Variants in CTDSPL observed in about 807,000 individuals in gnomAD.
CTDSPL encodes CTD small phosphatase like.
CTDSPL carries 8 observed loss-of-function variants against 30.5 expected under a neutral mutation model. That is an observed-to-expected ratio of 0.26 (90% CI 0.15 to 0.47). The LOEUF (loss-of-function observed/expected upper bound fraction) is 0.47. Ranked by LOEUF, CTDSPL falls within the 20% of genes least tolerant of loss-of-function variation. CTDSPL has a pLI of 0.99. For missense variants in CTDSPL, 248 were observed against 366.1 expected, an observed-to-expected ratio of 0.68 and a Z score of 2.63; for synonymous variants, 110 against 137.9, an observed-to-expected ratio of 0.80 and a Z score of 1.42.
intron 1 of CTDSPL, among the ~76,000 whole-genome samples, chr3:37,925,267 G>A (rs1698768444): frequency 6.6e-6 from 1 of 152,132 alleles, no homozygotes; most frequent in African/African-American, 2.4e-5. Flanking sequence ...TGCAAAGGAG[G>A]TACTCAGGAG....
chr3:37,966,588 T>C (rs543373130), intron 4 of CTDSPL, among the ~76,000 whole-genome samples: 1 of 152,360 alleles, frequency 6.6e-6, no homozygotes, highest in South Asian at 2.1e-4. Flanking sequence ...ATTCTGATTT[T>C]AGTTGTGCAA....
chr3:37,953,876 G>A (rs1287986533), intron 2 of CTDSPL, among the ~76,000 whole-genome samples: 1 of 152,092 alleles, frequency 6.6e-6, no homozygotes, highest in East Asian at 1.9e-4. Context: ...GAGACAATTG[G>A]TATAAACATG....
chr3:37,892,453 A>G (rs998775087), intron 1 of CTDSPL, among the ~76,000 whole-genome samples: 1 of 152,200 alleles, frequency 6.6e-6, no homozygotes, highest in African/African-American at 2.4e-5. Context: ...ATATTTTTTT[A>G]ATACCTGTAA....
intron 3 of CTDSPL, among the ~76,000 whole-genome samples, chr3:37,960,505 A>AAAAT (rs1553686722): frequency 1.0e-4 from 4 of 38,514 alleles, no homozygotes; most frequent in East Asian, 8.5e-4. Flanking sequence ...AAAAAAAAAA[A>AAAAT]ATATATATAT....
chr3:37,889,328 A>C (rs1698298189), intron 1 of CTDSPL, among the ~76,000 whole-genome samples: 1 of 152,194 alleles, frequency 6.6e-6, no homozygotes, highest in Admixed American at 6.5e-5. Flanking sequence ...TTTGTAATAA[A>C]GTTTTTTAAA....
chr3:37,905,213 TCA>T (rs944248663), intron 1 of CTDSPL, among the ~76,000 whole-genome samples: 2 of 152,254 alleles, frequency 1.3e-5, no homozygotes, highest in African/African-American at 2.4e-5. Context: ...GGTAGTGTTT[TCA>T]CAGTTTCCCT....
chr3:37,972,354 TG>T (rs1356488913), intron 6 of CTDSPL, among the ~76,000 whole-genome samples: 3 of 152,062 alleles, frequency 2.0e-5, no homozygotes, highest in African/African-American at 7.2e-5. Flanking sequence ...TAACTGGGCA[TG>T]GTGGCGGGCA....
intron 1 of CTDSPL, among the ~76,000 whole-genome samples, chr3:37,902,430 G>C (rs1194173463): frequency 6.6e-6 from 1 of 152,102 alleles, no homozygotes; most frequent in Non-Finnish European, 1.5e-5. Context: ...GCAACAAATA[G>C]TCCGTTTTCC....
chr3:37,887,131 C>G (rs1698271899), intron 1 of CTDSPL, among the ~76,000 whole-genome samples: 1 of 152,132 alleles, frequency 6.6e-6, no homozygotes, highest in Admixed American at 6.5e-5. Flanking sequence ...ACCTTCTCAG[C>G]CAAACTGGCC....
chr3:37,980,658 C>CCTTACT (rs1320709942), intron 7 of CTDSPL, 84 bp from the exon 8 acceptor site: 1 of 1,536,218 alleles, frequency 6.5e-7, no homozygotes, highest in Non-Finnish European at 8.8e-7. Context: ...AGAAAGTGCT[C>CCTTACT]AAAGTCCGGG....
chr3:37,914,256 T>A (rs780780721), intron 1 of CTDSPL, among the ~76,000 whole-genome samples: 3 of 152,226 alleles, frequency 2.0e-5, no homozygotes, highest in Non-Finnish European at 4.4e-5. Flanking sequence ...AAGCTATATA[T>A]CTCCCAACTG....
intron 1 of CTDSPL, among the ~76,000 whole-genome samples, chr3:37,926,772 G>T (rs539446029): frequency 6.6e-6 from 1 of 152,294 alleles, no homozygotes; most frequent in South Asian, 2.1e-4. Flanking sequence ...TCTGGAGGAG[G>T]CTTGCAGTGT....
intron 1 of CTDSPL, among the ~76,000 whole-genome samples, chr3:37,912,983 C>T (rs764037025): frequency 6.6e-6 from 1 of 152,092 alleles, no homozygotes; most frequent in Non-Finnish European, 1.5e-5. Flanking sequence ...GCTCAGAGAT[C>T]TTAGATAGTT....
intron 1 of CTDSPL, among the ~76,000 whole-genome samples, chr3:37,878,539 C>T (rs1698164607): frequency 6.6e-6 from 1 of 152,156 alleles, no homozygotes; most frequent in African/African-American, 2.4e-5. Flanking sequence ...AAATTTTGAT[C>T]GCTTTCCTTA....
intron 1 of CTDSPL, among the ~76,000 whole-genome samples, chr3:37,873,154 A>C (rs34372270): frequency 0.015 from 2,274 of 152,292 alleles, 30 homozygotes; most frequent in Middle Eastern, 0.037. Flanking sequence ...GCCACCTTTA[A>C]CACCACTCCA....
chr3:37,906,909 G>A (rs1698522130), intron 1 of CTDSPL, among the ~76,000 whole-genome samples: 1 of 151,998 alleles, frequency 6.6e-6, no homozygotes. Flanking sequence ...GTGGTTATGA[G>A]GTACAAACGA....
At chr3:37,959,777 T>C (rs181592325) in intron 3 of CTDSPL, among the ~76,000 whole-genome samples, 7 of 152,354 alleles carry the variant, frequency 4.6e-5, no homozygotes, top group Admixed American at 1.3e-4. Flanking sequence ...TTTACAGTAT[T>C]GGTACATTAA....
intron 2 of CTDSPL, 28 bp from the exon 3 acceptor site, chr3:37,957,083 C>G: frequency 6.3e-7 from 1 of 1,590,146 alleles, no homozygotes; most frequent in South Asian, 1.1e-5. Flanking sequence ...TCGAACCTGA[C>G]AATGATTTTT....
chr3:37,913,697 G>A (rs963637607), intron 1 of CTDSPL, among the ~76,000 whole-genome samples: 41 of 152,302 alleles, frequency 2.7e-4, no homozygotes, highest in Admixed American at 6.5e-4. Flanking sequence ...GGTCCAAAAA[G>A]GGGAAGAACT....
Sources: gnomAD v4.1 joint callset for allele counts (sites outside exome capture counted in the v4.1 genomes callset) on GRCh38, gnomAD v4.1.1 for gene constraint, MANE v1.5 for transcripts, NCBI Gene and HGNC (gene_info 2026-07-23, HGNC 2026-07-21) for gene names.